The following SHLD2 variants were observed in gnomAD, a reference collection of about 807,000 sequenced individuals.
SHLD2 encodes shieldin complex subunit 2, also known as RINN1-REV7-interacting novel NHEJ regulator 2.
In SHLD2, 30 loss-of-function variants were observed where a neutral mutation model predicts 73.2. That is an observed-to-expected ratio of 0.41 (90% confidence interval 0.31 to 0.56). The LOEUF (loss-of-function observed/expected upper bound fraction) is 0.56, where lower values mean the gene tolerates loss of function less well. Ranked by LOEUF, SHLD2 falls within the 20% of genes least tolerant of loss-of-function variation. SHLD2 has a pLI of 0.28. For synonymous variants in SHLD2, 285 were observed against 370.1 expected, an observed-to-expected ratio of 0.77 and a Z score of 2.64; for missense variants, 745 against 1,055.9, an observed-to-expected ratio of 0.71 and a Z score of 4.08.
chr10:87,097,518 A>G lies in SHLD2; in HGVS notation c.-6+529A>G, dbSNP rs1425364183. Among the ~76,000 whole-genome samples the G allele has an allele frequency of 3.3e-5, 5 of 152,200 alleles. No homozygotes were observed. In the South Asian group the frequency reaches 1.0e-3, roughly 32 times the overall value. On this transcript the variant is annotated intron_variant, in intron 2 of 9. Transcript: ENST00000298786. ...GCTACTTGGGAGAACCACTTGAACC[A>G]GGGAGAGAGGTTGCAGTGAGCCGAG...
chr10:87,109,697 C>A (rs901286777), intron 2 of SHLD2, among the ~76,000 whole-genome samples: 2 of 152,160 alleles, frequency 1.3e-5, no homozygotes, highest in East Asian at 3.9e-4. Context: ...AACTCTTCCC[C>A]CAAGTTTTTA....
intron 5 of SHLD2, 58 bp downstream of exon 5, chr10:87,170,730 C>A: frequency 6.5e-7 from 1 of 1,544,592 alleles, no homozygotes; most frequent in Non-Finnish European, 8.7e-7. Context: ...GATACAAGAC[C>A]ATCTTAGTGT....
chr10:87,170,309 T>G (rs1757742982), intron 4 of SHLD2, among the ~76,000 whole-genome samples, 169 bp from the exon 5 acceptor site: 2 of 152,226 alleles, frequency 1.3e-5, no homozygotes, highest in Non-Finnish European at 2.9e-5. Flanking sequence ...TGTTTTTACA[T>G]CTAAACTGAT....
chr10:87,132,524 C>A (rs1844500453), intron 2 of SHLD2, among the ~76,000 whole-genome samples: 2 of 152,064 alleles, frequency 1.3e-5, no homozygotes, highest in Admixed American at 6.6e-5. Context: ...TCTATAATCC[C>A]AGCACTTTGG....
intron 9 of SHLD2, among the ~76,000 whole-genome samples, chr10:87,189,718 T>C (rs1225132844): frequency 1.3e-5 from 2 of 152,204 alleles, no homozygotes; most frequent in Non-Finnish European, 2.9e-5. Context: ...CTTGATTACA[T>C]GTCCTAAAAA....
At chr10:87,094,869 T>C (rs886047380), upstream of SHLD2, 93 of 905,688 alleles carry the variant, frequency 1.0e-4, 1 homozygote, top group Non-Finnish European at 2.4e-5. This position sits in a 1 kb window ranked among gnomAD's most constrained non-coding sequence, Gnocchi z 6.6. Flanking sequence ...GGTTGCCCTT[T>C]TAAGCCGCAG....
At chr10:87,130,202 G>A (rs778016512) in intron 2 of SHLD2, among the ~76,000 whole-genome samples, 6 of 152,008 alleles carry the variant, frequency 3.9e-5, no homozygotes, top group African/African-American at 9.7e-5. Context: ...GTTGAGTAGA[G>A]TTCACTCTGG....
At chr10:87,094,799 G>T, upstream of SHLD2, 1 of 1,506,914 alleles carries the variant, frequency 6.6e-7, no homozygotes, top group Non-Finnish European at 9.0e-7. This position sits in a 1 kb window ranked among gnomAD's most constrained non-coding sequence, Gnocchi z 6.6. Context: ...GTGCGTGATG[G>T]TCGCGAAACA....
intron 9 of SHLD2, among the ~76,000 whole-genome samples, chr10:87,188,972 G>T (rs1329058967): frequency 6.9e-6 from 1 of 145,062 alleles, no homozygotes; most frequent in African/African-American, 2.5e-5. Flanking sequence ...TTTTCTTAAT[G>T]TTACTTATAT....
chr10:87,114,468 T>A (rs1216076517), intron 2 of SHLD2: 1 of 152,152 alleles, frequency 6.6e-6, no homozygotes, highest in Admixed American at 6.5e-5. Context: ...CTCACGCCTA[T>A]AATCCCAGCA....
chr10:87,134,871 A>T, intron 2 of SHLD2, among the ~76,000 whole-genome samples: 1 of 152,178 alleles, frequency 6.6e-6, no homozygotes. Context: ...GCTGGCCTCC[A>T]GAAGGCTGGC....
At chr10:87,134,218 A>G (rs1490359495) in intron 2 of SHLD2, among the ~76,000 whole-genome samples, 2 of 152,216 alleles carry the variant, frequency 1.3e-5, no homozygotes, top group Non-Finnish European at 2.9e-5. Flanking sequence ...CTTGTAACTG[A>G]AAACCTATAA....
chr10:87,120,791 C>T (rs930768602), intron 2 of SHLD2, among the ~76,000 whole-genome samples: 25 of 152,032 alleles, frequency 1.6e-4, no homozygotes, highest in Admixed American at 1.0e-3. Flanking sequence ...CGGTGGCTCA[C>T]GCCTGTAATC....
chr10:87,122,459 C>T (rs1843698660), intron 2 of SHLD2, among the ~76,000 whole-genome samples: 1 of 152,034 alleles, frequency 6.6e-6, no homozygotes, highest in Non-Finnish European at 1.5e-5. Context: ...TTTTAGCAGC[C>T]TGAAGCCATG....
intron 2 of SHLD2, among the ~76,000 whole-genome samples, chr10:87,111,301 T>C (rs1180563156): frequency 2.6e-5 from 4 of 152,150 alleles, no homozygotes; most frequent in Non-Finnish European, 1.5e-5. Context: ...TAGCTGGGAC[T>C]GTAGGCATGT....
intron 2 of SHLD2, among the ~76,000 whole-genome samples, chr10:87,115,064 A>G (rs1174221128): frequency 2.0e-5 from 3 of 151,836 alleles, no homozygotes; most frequent in Admixed American, 1.3e-4. Flanking sequence ...TTATTTATTT[A>G]TTTTGAGACA....
chr10:87,120,316 C>T (rs867439538), intron 2 of SHLD2, among the ~76,000 whole-genome samples: 4 of 151,772 alleles, frequency 2.6e-5, no homozygotes, highest in Middle Eastern at 3.4e-3. Flanking sequence ...GGCATGATCT[C>T]GGCTCACTGC....
Position 87,174,567 on chromosome 10 carries a change from CAAAAA to C in SHLD2, c.1964-1308_1964-1304del, listed in dbSNP as rs5786765. Reference sequence around the variant, plus strand: ...ACTGAGATGTTTGATGATTTTCCACCAAAAAAAAAAAAAAAAAATCTCTAGTGAAA... The same window carrying C: ...ACTGAGATGTTTGATGATTTTCCACCAAAAAAAAAAAAATCTCTAGTGAAA... On this transcript the variant is annotated intron_variant, in intron 6 of 9. Transcript: ENST00000298786. Among the ~76,000 whole-genome samples the C allele has an allele frequency of 1.0e-2, 1,130 of 113,296 alleles. 13 individuals carry two copies. The highest frequency in any genetic ancestry group is 0.033 in the African/African-American group (1,089 of 33,228). The allele number at this position is 113,296 out of a possible 152,430, so 74.3% of individuals were successfully genotyped here. A position where few individuals can be genotyped will look rare whatever the true frequency, so the allele number is the denominator to read the frequency against.
Position 87,151,764 on chromosome 10 carries a change from A to C in SHLD2, c.410A>C (p.Lys137Thr), listed in dbSNP as rs1846029757. 4 of 1,612,000 alleles carry C rather than the reference A, an allele frequency of 2.5e-6. No homozygotes were observed. The highest frequency in any genetic ancestry group is 3.4e-6 in the Non-Finnish European group (4 of 1,179,850). Residue 137 changes from lysine to threonine, a missense_variant, in exon 3 of 10, where the codon AAG (lysine) becomes ACG (threonine). Coordinates refer to ENST00000298786, the MANE Select transcript of SHLD2 (RefSeq NM_001330112.2). ...STVPHFTEEE[K>T]YQKLLSENKI... Reference sequence around the variant, plus strand: ...GTTCCGCATTTCACCGAAGAAGAAAAGTATCAAAAGCTTCTCAGTGAAAAT... The same window carrying C: ...GTTCCGCATTTCACCGAAGAAGAAACGTATCAAAAGCTTCTCAGTGAAAAT...
Sources: gnomAD v4.1 joint callset for allele counts (sites outside exome capture counted in the v4.1 genomes callset) on GRCh38, gnomAD v4.1.1 for gene constraint, Gnocchi (gnomAD v3.1) non-coding constraint, MANE v1.5 for transcripts, NCBI Gene and HGNC (gene_info 2026-07-23, HGNC 2026-07-21) for gene names.